The following STXBP4 variants were observed in gnomAD, a reference collection of about 807,000 sequenced individuals.
STXBP4 encodes the protein syntaxin-binding protein 4.
STXBP4 carries 55 observed loss-of-function variants against 76.1 expected under a neutral mutation model. The observed-to-expected ratio is 0.72, with a 90% CI of 0.58 to 0.91. The LOEUF is 0.91. Ranked by LOEUF, STXBP4 falls within the 40% of genes least tolerant of loss-of-function variation. The probability of loss-of-function intolerance (pLI) is 0.00; values close to 1 mark genes in which losing one functional copy is unlikely to be tolerated. For missense variants in STXBP4, 618 were observed against 636.9 expected, an observed-to-expected ratio of 0.97 and a Z score of 0.32; for synonymous variants, 201 against 220.2, an observed-to-expected ratio of 0.91 and a Z score of 0.77.
At chr17:55,155,556 C>G (rs1347957616) in intron 17 of STXBP4, among the ~76,000 whole-genome samples, 3 of 147,430 alleles carry the variant, frequency 2.0e-5, no homozygotes, top group Non-Finnish European at 4.5e-5. Context: ...ACTTTTGGCT[C>G]TTTATTCCAC....
At chr17:55,195,885 G>T in the STXBP4 span, among the ~76,000 whole-genome samples, 3 of 152,106 alleles carry the variant, frequency 2.0e-5, no homozygotes, top group South Asian at 2.1e-4. Flanking sequence ...TGCTACTGGC[G>T]TCTAGTGGGT....
At chr17:55,136,408 A>G (rs1404527759) in intron 16 of STXBP4, among the ~76,000 whole-genome samples, 1 of 152,178 alleles carries the variant, frequency 6.6e-6, no homozygotes, top group East Asian at 1.9e-4. Flanking sequence ...ATCATTATTA[A>G]TAATTAAAAT....
chr17:55,105,607 C>T (rs1389827410), intron 16 of STXBP4, among the ~76,000 whole-genome samples: 8 of 151,152 alleles, frequency 5.3e-5, no homozygotes, highest in South Asian at 2.1e-4. Context: ...GTAGCTGGGA[C>T]GACAGGCACC....
intron 8 of STXBP4, among the ~76,000 whole-genome samples, chr17:55,028,880 T>A (rs2078458880): frequency 6.6e-6 from 1 of 152,196 alleles, no homozygotes; most frequent in South Asian, 2.1e-4. Context: ...GAAATGCTTA[T>A]TCACTACTGG....
chr17:54,984,126 A>G (rs1226434293), intron 1 of STXBP4, among the ~76,000 whole-genome samples: 2 of 152,048 alleles, frequency 1.3e-5, no homozygotes, highest in African/African-American at 4.8e-5. Flanking sequence ...CAGTGAATAC[A>G]TTGCTATGTT....
the STXBP4 span, among the ~76,000 whole-genome samples, chr17:55,205,543 G>GCA: frequency 0.016 from 2,387 of 148,550 alleles, 22 homozygotes; most frequent in Non-Finnish European, 0.025. Context: ...GCAGACAAAT[G>GCA]CACACACACA....
chr17:55,177,151 C>A (rs538120757), downstream of STXBP4, among the ~76,000 whole-genome samples: 1 of 152,294 alleles, frequency 6.6e-6, no homozygotes, highest in East Asian at 1.9e-4. Context: ...TATAATGATA[C>A]ATATGAAGAT....
intron 9 of STXBP4, among the ~76,000 whole-genome samples, chr17:55,032,699 A>C (rs2078530680): frequency 6.6e-6 from 1 of 152,162 alleles, no homozygotes; most frequent in South Asian, 2.1e-4. Context: ...TCGTGGACCT[A>C]TAGTTGCCAG....
the STXBP4 span, among the ~76,000 whole-genome samples, chr17:55,198,755 G>A: frequency 1.3e-5 from 2 of 152,260 alleles, no homozygotes; most frequent in South Asian, 4.1e-4. Flanking sequence ...CTTTGAAATG[G>A]TTCACTTCCA....
intron 10 of STXBP4, among the ~76,000 whole-genome samples, chr17:55,037,491 T>TA (rs113577882): frequency 1.3e-4 from 19 of 149,962 alleles, no homozygotes; most frequent in South Asian, 1.1e-3. Context: ...TTGTTGGGAT[T>TA]AAAAAAAAAA....
chr17:55,045,867 T>C (rs2078778675), intron 11 of STXBP4, among the ~76,000 whole-genome samples: 1 of 152,136 alleles, frequency 6.6e-6, no homozygotes, highest in Non-Finnish European at 1.5e-5. Context: ...GTAATGTTTT[T>C]GTTTTCAGTT....
At position 55,071,059 on chromosome 17, in the gene STXBP4, A is replaced by G. The variant is rs577800176; in HGVS notation, c.1012-1841A>G. ...ACTGCTTCACACCAACTCCACCACT[A>G]TCACCCTTATTGAAGCTACAGTTAA... On this transcript the variant is annotated intron_variant, in intron 12 of 17. Coordinates refer to ENST00000376352, the MANE Select transcript of STXBP4 (RefSeq NM_178509.6). Among the ~76,000 whole-genome samples the G allele has an allele frequency of 3.5e-4, 53 of 152,186 alleles. 1 individual carries two copies. The highest frequency in any genetic ancestry group is 6.8e-3 in the Middle Eastern group (2 of 294).
chr17:55,197,925 G>C, the STXBP4 span, among the ~76,000 whole-genome samples: 1 of 152,118 alleles, frequency 6.6e-6, no homozygotes, highest in Non-Finnish European at 1.5e-5. Context: ...CTGGGTTCTT[G>C]GAGTTTTAAA....
chr17:55,040,127 A>T (rs1360119510), intron 10 of STXBP4, among the ~76,000 whole-genome samples: 2 of 152,184 alleles, frequency 1.3e-5, no homozygotes, highest in African/African-American at 4.8e-5. Flanking sequence ...TAGGTGAGAT[A>T]TTAGAATATC....
intron 16 of STXBP4, among the ~76,000 whole-genome samples, chr17:55,104,490 TG>T (rs2079605958): frequency 6.6e-6 from 1 of 152,260 alleles, no homozygotes; most frequent in South Asian, 2.1e-4. Flanking sequence ...TTTATCGTGG[TG>T]GATAAGCTTT....
chr17:55,007,278 G>A (rs1423414924), intron 7 of STXBP4, among the ~76,000 whole-genome samples: 3 of 151,332 alleles, frequency 2.0e-5, no homozygotes, highest in Non-Finnish European at 4.4e-5. Flanking sequence ...GGCAGACATT[G>A]AGCCAAGATC....
intron 8 of STXBP4, among the ~76,000 whole-genome samples, chr17:55,019,151 A>G (rs898794097): frequency 1.3e-5 from 2 of 152,174 alleles, no homozygotes; most frequent in African/African-American, 2.4e-5. Context: ...CTACATTATA[A>G]TATAGTTTGA....
chr17:55,204,977 T>TTA, the STXBP4 span, among the ~76,000 whole-genome samples: 3 of 152,144 alleles, frequency 2.0e-5, no homozygotes, highest in Non-Finnish European at 4.4e-5. Flanking sequence ...CTATTTTATA[T>TTA]TATATATATG....
intron 4 of STXBP4, among the ~76,000 whole-genome samples, chr17:54,997,560 A>G (rs1468877067): frequency 6.9e-6 from 1 of 145,898 alleles, no homozygotes; most frequent in African/African-American, 2.5e-5. Flanking sequence ...ATATAAATAT[A>G]TATATTATAT....
Sources: allele counts gnomAD v4.1 joint callset (sites outside exome capture counted in the v4.1 genomes callset), GRCh38; gene constraint gnomAD v4.1.1; transcripts MANE v1.5; gene names NCBI Gene and HGNC (gene_info 2026-07-23, HGNC 2026-07-21).